The following MPZL3 variants were observed in gnomAD, a reference collection of about 807,000 sequenced individuals.
MPZL3 encodes myelin protein zero-like protein 3.
Under a neutral mutation model 24.8 loss-of-function variants are expected in MPZL3, and 23 were observed. The observed-to-expected ratio is 0.93, with a 90% confidence interval of 0.67 to 1.31. The LOEUF (loss-of-function observed/expected upper bound fraction) is 1.31, where lower values mean the gene tolerates loss of function less well. Among genes scored for constraint, MPZL3 ranks in the 40% most tolerant of loss-of-function variants. The pLI is 0.00. For missense variants in MPZL3, 277 were observed against 294.9 expected, an observed-to-expected ratio of 0.94 and a Z score of 0.44; for synonymous variants, 99 against 106.5, an observed-to-expected ratio of 0.93 and a Z score of 0.44.
intron 5 of MPZL3, among the ~76,000 whole-genome samples, chr11:118,231,461 A>G (rs1004951582): frequency 8.1e-6 from 1 of 123,198 alleles, no homozygotes; most frequent in Non-Finnish European, 1.5e-5. Context: ...CCCTGGAGGA[A>G]ATGTCTGTTA....
chr11:118,235,561 G>A lies in MPZL3; in HGVS notation c.480C>T (p.Ala160=). ...GCACAAAGACAAGGATGGAAAGAAG[G>A]GCCACAGAGGAAAGCATGGTGCCAA... The part of the protein sequence containing the change: ...RGFGTMLSSV[A]LLSILVFVPS... The change falls in exon 4 of 6, where the codon GCC becomes GCT. Residue 160 remains alanine, a synonymous_variant. Transcript: ENST00000278949. The A allele has an allele frequency of 6.2e-7, 1 of 1,613,866 alleles. No individual in the cohort carries two copies. The highest frequency in any genetic ancestry group is 2.2e-5 in the East Asian group (1 of 44,880).
chr11:118,233,083 C>CAAG lies in MPZL3; in HGVS notation c.681+376_681+377insCTT, dbSNP rs1385178324. ...CTAAAAGGTTATATCAACCTAACTC[C>CAAG]CTGAAAAATACTACAGCTCAGTAGA... On this transcript the variant is annotated intron_variant, in intron 5 of 5. Coordinates refer to ENST00000278949, the MANE Select transcript of MPZL3 (RefSeq NM_198275.3). Among the ~76,000 whole-genome samples, 11 of 152,208 alleles carry CAAG rather than the reference C, an allele frequency of 7.2e-5. 1 individual carries two copies. The South Asian group carries it at 2.3e-3, about 32-fold the overall frequency.
intron 1 of MPZL3, among the ~76,000 whole-genome samples, chr11:118,243,110 G>C (rs1318705527): frequency 6.6e-6 from 1 of 152,104 alleles, no homozygotes; most frequent in Non-Finnish European, 1.5e-5. Flanking sequence ...TTGTGAACAA[G>C]AAAAATCACA....
chr11:118,247,155 A>G (rs1030424401), intron 1 of MPZL3, among the ~76,000 whole-genome samples: 2 of 152,168 alleles, frequency 1.3e-5, no homozygotes, highest in Non-Finnish European at 2.9e-5. Flanking sequence ...CCGTTGGCCA[A>G]ATATAACTGG....
At chr11:118,240,463 C>T in intron 1 of MPZL3, 86 bp from the exon 2 acceptor site, 3 of 1,375,046 alleles carry the variant, frequency 2.2e-6, no homozygotes, top group Non-Finnish European at 2.9e-6. Flanking sequence ...TTAGAGCCCT[C>T]ATCAAAAAGC....
At chr11:118,238,673 C>T (rs886528707) in intron 2 of MPZL3, among the ~76,000 whole-genome samples, 1 of 152,144 alleles carries the variant, frequency 6.6e-6, no homozygotes, top group Non-Finnish European at 1.5e-5. Context: ...TTCATTTGTT[C>T]ATGCATTTAT....
At chr11:118,246,585 C>CA (rs760981275) in intron 1 of MPZL3, among the ~76,000 whole-genome samples, 2 of 123,282 alleles carry the variant, frequency 1.6e-5, no homozygotes, top group Non-Finnish European at 3.2e-5. Flanking sequence ...TTTTTCTTTT[C>CA]TTTTTTTTTT....
At chr11:118,246,585 CTTTTTTT>C (rs71301655) in intron 1 of MPZL3, among the ~76,000 whole-genome samples, 1 of 123,282 alleles carries the variant, frequency 8.1e-6, no homozygotes, top group African/African-American at 3.3e-5. Flanking sequence ...TTTTTCTTTT[CTTTTTTT>C]TTTTTTTTTT....
chr11:118,245,056 A>G (rs1949542940), intron 1 of MPZL3, among the ~76,000 whole-genome samples: 1 of 152,194 alleles, frequency 6.6e-6, no homozygotes. Flanking sequence ...AGCCTGGGCA[A>G]CAAAGCAAGA....
rs765821124 is a variant in MPZL3 at position 118,235,462 on chromosome 11, C to T, written c.579G>A (p.Arg193=). 6.2e-7 allele frequency: 1 copy of T among 1,613,908 alleles called. No homozygotes were observed. The highest frequency in any genetic ancestry group is 8.5e-7 in the Non-Finnish European group (1 of 1,179,878). The change falls in exon 4 of 6, where the codon AGG becomes AGA. Residue 193 remains arginine, a synonymous_variant. Transcript: ENST00000278949. ...RKAAGLKKRS[R]SGYKKSSIEV... ...CAATAGATGACTTCTTATAGCCAGA[C>T]CTGCTCCTCTTCTTCAGCCCAGCAG... is the stretch of plus-strand genomic sequence containing the variant.
rs148703170 is a variant in MPZL3 at position 118,252,237 on chromosome 11, C to T, written c.58G>A (p.Val20Ile). 11 of 1,613,862 alleles carry T rather than the reference C, an allele frequency of 6.8e-6. No homozygotes were observed. The African/African-American group carries it at 1.3e-4, about 20-fold the overall frequency. ...GAGCACTCACCCTGGAAGAACAGGA[C>T]GCCCAGCAGAGGGAAGAGAGCGCAG... ...RGCALFPLLG[V>I]LFFQGVYIVF... Residue 20 changes from valine (V) to isoleucine (I), a missense_variant, in exon 1 of 6, where the codon GTC (valine) becomes ATC (isoleucine). Coordinates refer to ENST00000278949, the MANE Select transcript of MPZL3 (RefSeq NM_198275.3).
chr11:118,248,863 A>G (rs753353990), intron 1 of MPZL3, among the ~76,000 whole-genome samples: 26 of 152,054 alleles, frequency 1.7e-4, no homozygotes, highest in Non-Finnish European at 3.1e-4. Flanking sequence ...TTTCCCCCGT[A>G]CTGGTAGATA....
Position 118,235,480 on chromosome 11 carries a change from C to T in MPZL3, c.561G>A (p.Gly187=), listed in dbSNP as rs199689928. The T allele has an allele frequency of 1.6e-4, 260 of 1,613,986 alleles. No homozygotes were observed. The Admixed American group carries it at 4.2e-3, about 26-fold the overall frequency. Residue 187 remains glycine, a synonymous_variant, in exon 4 of 6, where the codon GGG becomes GGA. Coordinates refer to ENST00000278949, the MANE Select transcript of MPZL3 (RefSeq NM_198275.3). ...AGCCAGACCTGCTCCTCTTCTTCAGCCCAGCAGCCTTCCTCCCCATTCTCA... is the reference window on the plus strand; with the variant it reads ...AGCCAGACCTGCTCCTCTTCTTCAGTCCAGCAGCCTTCCTCCCCATTCTCA... ...LLVRMGRKAA[G]LKKRSRSGYK...
intron 2 of MPZL3, 131 bp downstream of exon 2, chr11:118,240,080 A>T: frequency 1.2e-6 from 1 of 857,638 alleles, no homozygotes; most frequent in Non-Finnish European, 1.7e-6. Context: ...ATAAAAGTTC[A>T]TCTATCTCTA....
In MPZL3 at chr11:118,235,496, C is replaced by A; in HGVS notation, c.545G>T (p.Gly182Val). 2 of 1,613,988 alleles carry A rather than the reference C, an allele frequency of 1.2e-6. No homozygotes were observed. The change falls in exon 4 of 6, where the codon GGG (glycine) becomes GTG (valine). Residue 182 changes from glycine (G) to valine (V), a missense_variant. Physicochemically the swap from Gly to Val is moderately radical, Grantham distance 109. Coordinates refer to ENST00000278949, the MANE Select transcript of MPZL3 (RefSeq NM_198275.3). ...CTTCTTCAGCCCAGCAGCCTTCCTC[C>A]CCATTCTCACCAGCAGCAGAGCAAC... is the stretch of plus-strand genomic sequence containing the variant. ...VVVALLLVRM[G>V]RKAAGLKKRS...
intron 1 of MPZL3, among the ~76,000 whole-genome samples, chr11:118,251,117 G>A (rs1949615672): frequency 6.7e-6 from 1 of 149,164 alleles, no homozygotes; most frequent in African/African-American, 2.5e-5. Flanking sequence ...GTGTGTGTGT[G>A]TGAAAGAGAG....
intron 1 of MPZL3, 112 bp from the exon 2 acceptor site, chr11:118,240,489 T>C (rs1488906933): frequency 4.6e-6 from 5 of 1,078,658 alleles, no homozygotes; most frequent in Non-Finnish European, 6.5e-6. Context: ...CAATAAATAT[T>C]AACAACTATC....
At chr11:118,239,290 C>T (rs1329006115) in intron 2 of MPZL3, among the ~76,000 whole-genome samples, 1 of 152,180 alleles carries the variant, frequency 6.6e-6, no homozygotes, top group African/African-American at 2.4e-5. Flanking sequence ...TACAGCCTAG[C>T]TTCTTTCACT....
intron 1 of MPZL3, among the ~76,000 whole-genome samples, chr11:118,244,762 T>C (rs959863782): frequency 2.6e-5 from 4 of 152,206 alleles, no homozygotes; most frequent in East Asian, 1.9e-4. Context: ...AGAAGAGACC[T>C]GATGAAATCT....
Sources: allele counts gnomAD v4.1 joint callset (sites outside exome capture counted in the v4.1 genomes callset), GRCh38; gene constraint gnomAD v4.1.1; transcripts MANE v1.5; gene names NCBI Gene and HGNC (gene_info 2026-07-23, HGNC 2026-07-21).